Variants in MACROH2A1 observed in about 807,000 individuals in gnomAD.
MACROH2A1 encodes macroH2A.1 histone.
MACROH2A1 carries 2 observed loss-of-function variants against 31.6 expected under a neutral mutation model. That is an observed-to-expected ratio of 0.06 (90% CI 0.03 to 0.20). The LOEUF (loss-of-function observed/expected upper bound fraction) is 0.20, where lower values mean the gene tolerates loss of function less well. Among genes scored for constraint, MACROH2A1 ranks in the 10% least tolerant of loss-of-function variants. The probability of loss-of-function intolerance (pLI) is 1.00; values close to 1 mark genes in which losing one functional copy is unlikely to be tolerated. For synonymous variants in MACROH2A1, 169 were observed against 189.6 expected (o/e 0.89, Z 0.89); for missense variants, 230 against 474.0 (o/e 0.49, Z 4.78).
intron 1 of MACROH2A1, among the ~76,000 whole-genome samples, chr5:135,392,339 G>C (rs1016788458): frequency 7.9e-5 from 12 of 152,194 alleles, no homozygotes; most frequent in Admixed American, 4.6e-4. Flanking sequence ...CCACCCTGCT[G>C]GCAGAAGAAC....
In MACROH2A1 at chr5:135,335,162, A is replaced by C. The variant is rs748243516; in HGVS notation, c.954-21T>G. On this transcript the variant is annotated intron_variant, in intron 8 of 8. Coordinates refer to ENST00000511689, the MANE Select transcript of MACROH2A1 (RefSeq NM_138610.3). Reference sequence around the variant, plus strand: ...CGTTCCTGGAGAAGAGAAGATAAGCACTCAGCAACTGGGATGCCACGGGGG... The same window carrying C: ...CGTTCCTGGAGAAGAGAAGATAAGCCCTCAGCAACTGGGATGCCACGGGGG... 5.0e-6 allele frequency: 8 copies of C among 1,607,344 alleles called. No homozygotes were observed. In the East Asian group the frequency reaches 1.6e-4, roughly 31 times the overall value.
chr5:135,383,504 T>C (rs932538885), intron 2 of MACROH2A1, among the ~76,000 whole-genome samples: 1 of 152,182 alleles, frequency 6.6e-6, no homozygotes, highest in Non-Finnish European at 1.5e-5. Context: ...CACTTAAATA[T>C]AGTCTGCACA....
intron 2 of MACROH2A1, among the ~76,000 whole-genome samples, chr5:135,374,911 T>C (rs1245921784): frequency 6.6e-6 from 1 of 152,176 alleles, no homozygotes; most frequent in East Asian, 1.9e-4. Context: ...CAGAACCCCT[T>C]ACCAGGTTCT....
At chr5:135,394,404 C>T (rs1263893331) in intron 1 of MACROH2A1, among the ~76,000 whole-genome samples, 2 of 152,154 alleles carry the variant, frequency 1.3e-5, no homozygotes, top group African/African-American at 4.8e-5. Flanking sequence ...CATGTCCAGA[C>T]TCCAACCTTG....
chr5:135,342,066 C>T (rs535447315), intron 8 of MACROH2A1, among the ~76,000 whole-genome samples: 1 of 152,344 alleles, frequency 6.6e-6, no homozygotes, highest in South Asian at 2.1e-4. Flanking sequence ...CAGCTACAGC[C>T]TCTAAAGGCC....
intron 2 of MACROH2A1, among the ~76,000 whole-genome samples, chr5:135,380,267 T>A (rs1165084787): frequency 6.6e-6 from 1 of 152,202 alleles, no homozygotes; most frequent in Non-Finnish European, 1.5e-5. Flanking sequence ...GGATCACTAA[T>A]GTGGCTCTGA....
intron 2 of MACROH2A1, among the ~76,000 whole-genome samples, chr5:135,375,790 C>G (rs1178065067): frequency 6.6e-6 from 1 of 152,204 alleles, no homozygotes; most frequent in African/African-American, 2.4e-5. Flanking sequence ...AACAACATGA[C>G]AAGGAATCTG....
At chr5:135,384,437 C>A (rs1766113927) in intron 2 of MACROH2A1, among the ~76,000 whole-genome samples, 1 of 151,706 alleles carries the variant, frequency 6.6e-6, no homozygotes, top group South Asian at 2.1e-4. Context: ...TATAGTCAAG[C>A]CCAATGGCTG....
At chr5:135,352,837 G>A in intron 6 of MACROH2A1, 109 bp downstream of exon 6, 1 of 707,748 alleles carries the variant, frequency 1.4e-6, no homozygotes, top group Non-Finnish European at 2.6e-6. Context: ...TCTTGGATTT[G>A]GAAATTTGGC....
At chr5:135,363,391 A>C (rs1763096827) in intron 4 of MACROH2A1, among the ~76,000 whole-genome samples, 1 of 152,234 alleles carries the variant, frequency 6.6e-6, no homozygotes, top group Non-Finnish European at 1.5e-5. Context: ...CAGGTGCTTA[A>C]GGTCGTTACA....
intron 1 of MACROH2A1, among the ~76,000 whole-genome samples, chr5:135,392,920 A>AT (rs1388094811): frequency 6.6e-6 from 1 of 152,202 alleles, no homozygotes; most frequent in Non-Finnish European, 1.5e-5. Context: ...CAAAGCATCC[A>AT]TGTAAGGGCC....
At chr5:135,392,393 G>A (rs577818305) in intron 1 of MACROH2A1, among the ~76,000 whole-genome samples, 30 of 152,224 alleles carry the variant, frequency 2.0e-4, no homozygotes, top group South Asian at 1.2e-3. Context: ...CCAATAAAGC[G>A]GCCTCAAGTC....
At chr5:135,374,913 C>G (rs958681483) in intron 2 of MACROH2A1, among the ~76,000 whole-genome samples, 1 of 152,196 alleles carries the variant, frequency 6.6e-6, no homozygotes, top group African/African-American at 2.4e-5. Context: ...GAACCCCTTA[C>G]CAGGTTCTCC....
At chr5:135,339,808 G>A (rs557315315) in intron 8 of MACROH2A1, among the ~76,000 whole-genome samples, 40 of 152,198 alleles carry the variant, frequency 2.6e-4, no homozygotes, top group Non-Finnish European at 4.8e-4. Flanking sequence ...ATTCAGAAGC[G>A]ATGGTGATGG....
Position 135,398,437 on chromosome 5 carries a change from T to C in MACROH2A1, c.-34+625A>G, listed in dbSNP as rs1768333041. Among the ~76,000 whole-genome samples the C allele has an allele frequency of 6.6e-6, 1 of 151,146 alleles. No homozygotes were observed. The highest frequency in any genetic ancestry group is 1.5e-5 in the Non-Finnish European group (1 of 67,586). ...CAATCGGGAGCAGCGGGGGTTCCCG[T>C]GGCCCCTCTCCAGCCCATCCTTGGA... is the stretch of plus-strand genomic sequence containing the variant. On this transcript the variant is annotated intron_variant, in intron 1 of 8. Transcript: ENST00000511689. This position sits in a 1 kb window ranked among gnomAD's most constrained non-coding sequence, Gnocchi z 4.6.
intron 6 of MACROH2A1, chr5:135,346,543 G>A (rs148395393): frequency 6.2e-6 from 1 of 160,998 alleles, no homozygotes. Context: ...GGCCTAGAAG[G>A]AAGTGTTCAT....
chr5:135,385,753 T>C (rs1394550318), intron 2 of MACROH2A1, among the ~76,000 whole-genome samples: 2 of 152,210 alleles, frequency 1.3e-5, no homozygotes, highest in Non-Finnish European at 2.9e-5. Flanking sequence ...AAGCCTTCCC[T>C]GGCCAGCTCA....
At chr5:135,343,521 C>A (rs140384934) in intron 7 of MACROH2A1, 87 bp from the exon 8 acceptor site, 14 of 1,565,334 alleles carry the variant, frequency 8.9e-6, no homozygotes, top group Non-Finnish European at 1.1e-5. Context: ...TCCCCTGCCA[C>A]GGTATATCTT....
At chr5:135,338,091 T>C in intron 8 of MACROH2A1, 8 of 813,614 alleles carry the variant, frequency 9.8e-6, no homozygotes, top group Non-Finnish European at 1.3e-5. Flanking sequence ...CAAAATGGAA[T>C]GTGTAGGTGG....
Sources: gnomAD v4.1 joint callset for allele counts (sites outside exome capture counted in the v4.1 genomes callset) on GRCh38, gnomAD v4.1.1 for gene constraint, Gnocchi (gnomAD v3.1) non-coding constraint, MANE v1.5 for transcripts, NCBI Gene and HGNC (gene_info 2026-07-23, HGNC 2026-07-21) for gene names.